VPS13B: variants seen among roughly 807,000 people sequenced by gnomAD.
VPS13B encodes the protein vacuolar protein sorting 13 homolog B, also known as intermembrane lipid transfer protein VPS13B.
In VPS13B, 285 loss-of-function variants were observed where a neutral mutation model predicts 426.4. The ratio of observed to expected loss-of-function variants is 0.67; its 90% CI spans 0.61 to 0.74. The LOEUF (loss-of-function observed/expected upper bound fraction) is 0.74. Among genes scored for constraint, VPS13B ranks in the 30% least tolerant of loss-of-function variants. VPS13B has a pLI of 0.00. For missense variants in VPS13B, 4,537 were observed against 4,782.6 expected (o/e 0.95, Z 1.51); for synonymous variants, 1,676 against 1,676.4 (o/e 1.00, Z 0.01).
intron 36 of VPS13B, among the ~76,000 whole-genome samples, chr8:99,706,359 T>A (rs1832496965): frequency 1.3e-5 from 2 of 152,186 alleles, no homozygotes; most frequent in Admixed American, 1.3e-4. Flanking sequence ...TTACTTTCTG[T>A]TTACCGTGTG....
At chr8:99,856,828 G>A (rs933353641) in intron 56 of VPS13B, among the ~76,000 whole-genome samples, 4 of 152,104 alleles carry the variant, frequency 2.6e-5, no homozygotes, top group Admixed American at 1.3e-4. Flanking sequence ...ACAACAGAGC[G>A]AGACTCCATC....
At position 99,784,301 on chromosome 8, in the gene VPS13B, C is replaced by G. The variant is rs761177913; in HGVS notation, c.7780-14C>G. On this transcript the variant is annotated splice_polypyrimidine_tract_variant and intron_variant, in intron 42 of 61. Transcript: ENST00000357162. ...ATCCGATCCATGTTGGCTTTCGTAT[C>G]CTTTTTCTTTCAGAACAAATGCCCT... is the stretch of plus-strand genomic sequence containing the variant. 1 of 1,613,538 alleles carries G rather than the reference C, an allele frequency of 6.2e-7. No individual in the cohort carries two copies. Among genetic ancestry groups the G allele is most frequent in the Non-Finnish European group, 8.5e-7 (1 of 1,179,594 alleles).
At chr8:99,740,777 A>T (rs1033255517) in intron 39 of VPS13B, among the ~76,000 whole-genome samples, 44 of 152,198 alleles carry the variant, frequency 2.9e-4, no homozygotes, top group African/African-American at 1.0e-3. Context: ...AAATGCTGAG[A>T]GATTTTGTCA....
chr8:99,253,959 A>G (rs13277925), intron 17 of VPS13B, among the ~76,000 whole-genome samples: 125,664 of 152,098 alleles, frequency 0.83, 52,423 homozygotes, highest in South Asian at 0.89. Flanking sequence ...CAGTTTACTG[A>G]TATTGTGTTA....
intron 39 of VPS13B, among the ~76,000 whole-genome samples, chr8:99,736,136 GAGA>G (rs1000000097): frequency 2.0e-5 from 3 of 152,182 alleles, no homozygotes; most frequent in Admixed American, 6.5e-5. Flanking sequence ...GAAGGATGGA[GAGA>G]AGAAGTGAGG....
rs560062373 is a variant in VPS13B at position 99,390,633 on chromosome 8, A to T, written c.2935-924A>T. Among the ~76,000 whole-genome samples, 2 of 152,300 alleles carry T rather than the reference A, an allele frequency of 1.3e-5. 1 individual carries two copies. The highest frequency in any genetic ancestry group is 4.1e-4 in the South Asian group (2 of 4,826). ...GGTACTGAAGATAACCTTAGACTACACTGCAGCCTGACCAACCGCCACCAG... is the reference window on the plus strand; with the variant it reads ...GGTACTGAAGATAACCTTAGACTACTCTGCAGCCTGACCAACCGCCACCAG... On this transcript the variant is annotated intron_variant, in intron 20 of 61. Coordinates refer to ENST00000357162, the MANE Select transcript of VPS13B (RefSeq NM_152564.5).
intron 19 of VPS13B, among the ~76,000 whole-genome samples, chr8:99,374,885 G>T (rs1813399739): frequency 6.6e-6 from 1 of 152,242 alleles, no homozygotes; most frequent in Non-Finnish European, 1.5e-5. Context: ...TTGTTCACTT[G>T]TGCCTTAGGG....
chr8:99,242,153 G>A (rs962568881), intron 17 of VPS13B, among the ~76,000 whole-genome samples: 1 of 151,970 alleles, frequency 6.6e-6, no homozygotes, highest in African/African-American at 2.4e-5. Flanking sequence ...GCTAATTTTT[G>A]TACTTTTTTA....
chr8:99,297,342 C>G lies in VPS13B; in HGVS notation c.2824+22088C>G, dbSNP rs564648620. ...GAACTTTGTTCTTTTTAATGTCAAC[C>G]TCTTAACAGCCTAAAGTATTAATCC... On this transcript the variant is annotated intron_variant, in intron 19 of 61. Transcript: ENST00000357162. 1.2e-3 allele frequency among the ~76,000 whole-genome samples: 188 copies of G among 152,210 alleles called. 1 individual carries two copies. The highest frequency in any genetic ancestry group is 1.9e-3 in the Non-Finnish European group (126 of 68,020).
chr8:99,325,702 A>T (rs1810217988), intron 19 of VPS13B, among the ~76,000 whole-genome samples: 1 of 152,134 alleles, frequency 6.6e-6, no homozygotes, highest in Non-Finnish European at 1.5e-5. Flanking sequence ...GACCTAGTCA[A>T]GATGTTTTTG....
intron 39 of VPS13B, among the ~76,000 whole-genome samples, chr8:99,745,181 C>T (rs1003557910): frequency 6.6e-6 from 1 of 151,878 alleles, no homozygotes; most frequent in Non-Finnish European, 1.5e-5. Context: ...CATATAAACT[C>T]CACCTTCCAA....
intron 17 of VPS13B, among the ~76,000 whole-genome samples, chr8:99,248,728 T>C (rs1817351683): frequency 6.6e-6 from 1 of 152,204 alleles, no homozygotes; most frequent in Non-Finnish European, 1.5e-5. Context: ...AATAGGTGTT[T>C]TTCAAATTTG....
At chr8:99,039,748 T>G (rs753898188) in intron 3 of VPS13B, among the ~76,000 whole-genome samples, 18 of 152,160 alleles carry the variant, frequency 1.2e-4, no homozygotes, top group Non-Finnish European at 1.9e-4. Flanking sequence ...AAGTGGATGC[T>G]TTGAGTGCCA....
intron 22 of VPS13B, among the ~76,000 whole-genome samples, chr8:99,441,791 C>G (rs980616846): frequency 5.3e-5 from 8 of 151,932 alleles, no homozygotes; most frequent in African/African-American, 1.9e-4. Context: ...AGAAATAATG[C>G]TCTGATTTTT....
intron 33 of VPS13B, among the ~76,000 whole-genome samples, chr8:99,632,036 G>T (rs2133912687): frequency 6.6e-6 from 1 of 151,908 alleles, no homozygotes; most frequent in East Asian, 1.9e-4. Context: ...CTTAGTGTAA[G>T]AAAAAGTAGA....
chr8:99,743,675 A>G (rs115802250), intron 39 of VPS13B, among the ~76,000 whole-genome samples: 2,958 of 152,290 alleles, frequency 0.019, 100 homozygotes, highest in African/African-American at 0.068. Flanking sequence ...GCAGCAGCGT[A>G]CCTACAACCA....
At position 99,287,414 on chromosome 8, in the gene VPS13B, A is replaced by G. The variant is rs374458594; in HGVS notation, c.2824+12160A>G. Among the ~76,000 whole-genome samples the G allele has an allele frequency of 2.0e-5, 3 of 152,038 alleles. No homozygotes were observed. The East Asian group carries it at 5.8e-4, about 29-fold the overall frequency. On this transcript the variant is annotated intron_variant, in intron 19 of 61. Coordinates refer to ENST00000357162, the MANE Select transcript of VPS13B (RefSeq NM_152564.5). ...AGAGTTTCCAAGCCTCACCAAAGTA[A>G]CATTCTGTTGATTATGATATTTTAA...
At chr8:99,732,311 A>C (rs563252579) in intron 39 of VPS13B, among the ~76,000 whole-genome samples, 1 of 152,168 alleles carries the variant, frequency 6.6e-6, no homozygotes, top group Non-Finnish European at 1.5e-5. Flanking sequence ...TGCCATCCCC[A>C]GCACCCTTTC....
rs191922613 is a variant in VPS13B, at chr8:99,744,538, C to T, written c.7051-22236C>T. ...ATGCACACGTATATTTATTGCGGCA[C>T]TATTCACAATAGCAAAGACTTGGAA... On this transcript the variant is annotated intron_variant, in intron 39 of 61. Transcript: ENST00000357162. 6.3e-4 allele frequency among the ~76,000 whole-genome samples: 96 copies of T among 152,198 alleles called. 1 individual carries two copies. Among genetic ancestry groups the T allele is most frequent in the African/African-American group, 2.0e-3 (82 of 41,514 alleles).
Sources: gnomAD v4.1 joint callset for allele counts (sites outside exome capture counted in the v4.1 genomes callset) on GRCh38, gnomAD v4.1.1 for gene constraint, MANE v1.5 for transcripts, NCBI Gene and HGNC (gene_info 2026-07-23, HGNC 2026-07-21) for gene names.